The following LATS2 variants were observed in gnomAD, a reference collection of about 807,000 sequenced individuals.
LATS2 encodes large tumor suppressor kinase 2, also known as serine/threonine-protein kinase LATS2.
LATS2 carries 24 observed loss-of-function variants against 76.0 expected under a neutral mutation model. That is an observed-to-expected ratio of 0.32 (90% CI 0.23 to 0.44). The LOEUF (loss-of-function observed/expected upper bound fraction) is 0.44. LATS2 is among the 20% of genes least tolerant of loss of function. LATS2 has a pLI of 1.00. For missense variants in LATS2, 1,286 were observed against 1,481.2 expected (o/e 0.87, Z 2.16); for synonymous variants, 692 against 635.4 (o/e 1.09, Z -1.34).
intron 1 of LATS2, among the ~76,000 whole-genome samples, chr13:21,053,601 TA>T (rs1873352316): frequency 1.3e-5 from 2 of 152,132 alleles, no homozygotes; most frequent in Admixed American, 6.6e-5. Context: ...CCCAAAGGTC[TA>T]AGGTGATAAA....
At chr13:21,052,839 G>C (rs1185528532) in intron 1 of LATS2, among the ~76,000 whole-genome samples, 2 of 152,158 alleles carry the variant, frequency 1.3e-5, no homozygotes, top group Non-Finnish European at 2.9e-5. Context: ...TGCTGACTGC[G>C]GCTCAAACAG....
At chr13:21,017,771 G>A (rs563257437) in intron 2 of LATS2, among the ~76,000 whole-genome samples, 3 of 151,900 alleles carry the variant, frequency 2.0e-5, no homozygotes, top group Non-Finnish European at 2.9e-5. Context: ...AATTACAGGC[G>A]CCCACCACCA....
chr13:21,057,590 G>A (rs937602777), intron 1 of LATS2, among the ~76,000 whole-genome samples: 4 of 152,032 alleles, frequency 2.6e-5, no homozygotes, highest in Non-Finnish European at 5.9e-5. Flanking sequence ...TCAGGAGATC[G>A]AGACCATCCT....
intron 1 of LATS2, among the ~76,000 whole-genome samples, chr13:21,052,422 C>T (rs748632179): frequency 2.6e-5 from 4 of 152,124 alleles, no homozygotes; most frequent in Non-Finnish European, 4.4e-5. Context: ...TCAATCTCAG[C>T]TCACTGCAAC....
At chr13:21,021,233 G>A (rs1872046812) in intron 2 of LATS2, among the ~76,000 whole-genome samples, 1 of 152,104 alleles carries the variant, frequency 6.6e-6, no homozygotes, top group South Asian at 2.1e-4. Flanking sequence ...AGCACTTTGG[G>A]AGGCTGATGC....
intron 2 of LATS2, among the ~76,000 whole-genome samples, chr13:21,002,176 G>C (rs1230027756): frequency 6.6e-6 from 1 of 151,940 alleles, no homozygotes; most frequent in Non-Finnish European, 1.5e-5. Flanking sequence ...GCCTCCTAAA[G>C]TGCTGGGATT....
chr13:21,056,645 C>T (rs1359462812), intron 1 of LATS2, among the ~76,000 whole-genome samples: 4 of 152,184 alleles, frequency 2.6e-5, no homozygotes, highest in Admixed American at 6.5e-5. Flanking sequence ...CTCTGCACCC[C>T]TCCAAGTTTT....
chr13:21,053,549 C>T (rs190349761), intron 1 of LATS2, among the ~76,000 whole-genome samples: 7 of 152,278 alleles, frequency 4.6e-5, no homozygotes, highest in Non-Finnish European at 7.3e-5. Context: ...ACCGAATCTG[C>T]GTCCTCAGTT....
intron 2 of LATS2, among the ~76,000 whole-genome samples, chr13:21,029,886 G>A (rs1872453146): frequency 6.6e-6 from 1 of 152,020 alleles, no homozygotes. Context: ...CATGAGGTCA[G>A]GAGATGGCAG....
rs534351654 is a variant in LATS2 at position 20,980,663 on chromosome 13, G to T, written c.2665+803C>A. On this transcript the variant is annotated intron_variant, in intron 6 of 7. Transcript: ENST00000382592. Reference sequence around the variant, plus strand: ...GTAGAGGGAAGTAGACCTTCACTGGGCACCAAGGTTATTCACAACCTCTCA... The same window carrying T: ...GTAGAGGGAAGTAGACCTTCACTGGTCACCAAGGTTATTCACAACCTCTCA... Among the ~76,000 whole-genome samples, 80 of 152,286 alleles carry T rather than the reference G, an allele frequency of 5.3e-4. 1 individual carries two copies. Among genetic ancestry groups the T allele is most frequent in the African/African-American group, 1.9e-3 (79 of 41,550 alleles).
At position 21,004,962 on chromosome 13, in the gene LATS2, G is replaced by A. The variant is rs762642278; in HGVS notation, c.343-13558C>T. On this transcript the variant is annotated intron_variant, in intron 2 of 7. Transcript: ENST00000382592. ...CCAAGGGACAGAGACCAGCCCCGGC[G>A]TTCTAAATGCCTGGGGAAAGCAGCA... Among the ~76,000 whole-genome samples the A allele has an allele frequency of 5.9e-5, 9 of 152,134 alleles. No homozygotes were observed. In the South Asian group the frequency reaches 6.2e-4, roughly 11 times the overall value.
At chr13:20,975,428 G>A (rs1169938150) in intron 7 of LATS2, 64 bp from the exon 8 acceptor site, 34 of 1,455,282 alleles carry the variant, frequency 2.3e-5, no homozygotes, top group Middle Eastern at 1.8e-4. Context: ...CTGGGACAGC[G>A]TGTGATGACG....
chr13:20,998,472 G>T (rs950467791), intron 2 of LATS2, among the ~76,000 whole-genome samples: 2 of 152,234 alleles, frequency 1.3e-5, no homozygotes, highest in Non-Finnish European at 2.9e-5. Flanking sequence ...TCTCTGGCGG[G>T]ATCCTGTGCT....
chr13:21,007,594 ATATATATAGTGTG>A (rs1871345646), intron 2 of LATS2, among the ~76,000 whole-genome samples: 1 of 10,300 alleles, frequency 9.7e-5, no homozygotes, highest in African/African-American at 7.9e-4. Context: ...TATAGTATAT[ATATATATAGTGTG>A]TATATATATA....
chr13:21,046,031 A>G lies in LATS2; in HGVS notation c.-5T>C. On this transcript the variant is annotated 5_prime_UTR_variant, in exon 2 of 8. Coordinates refer to ENST00000382592, the MANE Select transcript of LATS2 (RefSeq NM_014572.3). ...AGGAAAAGTCTTTGGCCTCATTGTT[A>G]GTCCAGTTTCCTTTTACCATAAATA... The G allele has an allele frequency of 6.3e-7, 1 of 1,599,236 alleles. No homozygotes were observed. Among genetic ancestry groups the G allele is most frequent in the East Asian group, 2.2e-5 (1 of 44,664 alleles).
At chr13:20,982,007 T>C (rs930975671) in intron 5 of LATS2, among the ~76,000 whole-genome samples, 3 of 152,216 alleles carry the variant, frequency 2.0e-5, no homozygotes, top group Non-Finnish European at 4.4e-5. Flanking sequence ...AACAACTGCC[T>C]GACACATGTT....
intron 2 of LATS2, among the ~76,000 whole-genome samples, chr13:20,998,816 G>A (rs767430546): frequency 6.6e-6 from 1 of 152,210 alleles, no homozygotes; most frequent in Non-Finnish European, 1.5e-5. Flanking sequence ...ACACGGGGCG[G>A]GGGCCGCAGC....
intron 2 of LATS2, among the ~76,000 whole-genome samples, chr13:21,015,865 AATTTTTGT>A (rs1482069116): frequency 6.6e-6 from 1 of 151,310 alleles, no homozygotes; most frequent in East Asian, 1.9e-4. Flanking sequence ...ATGCCCAGCT[AATTTTTGT>A]ATTTTTGTAG....
chr13:21,059,056 C>T (rs1195819955), intron 1 of LATS2, among the ~76,000 whole-genome samples: 1 of 152,146 alleles, frequency 6.6e-6, no homozygotes, highest in Non-Finnish European at 1.5e-5. Flanking sequence ...GGCCCCTCAT[C>T]TTCTAAGTTA....
Sources: allele counts gnomAD v4.1 joint callset (sites outside exome capture counted in the v4.1 genomes callset), GRCh38; gene constraint gnomAD v4.1.1; transcripts MANE v1.5; gene names NCBI Gene and HGNC (gene_info 2026-07-23, HGNC 2026-07-21).